Variants in RBFOX1 observed in about 807,000 individuals in gnomAD.
RBFOX1 encodes the protein RNA binding fox-1 homolog 1.
Under a neutral mutation model 57.7 loss-of-function variants are expected in RBFOX1, and 8 were observed. That is an observed-to-expected ratio of 0.14 (90% CI 0.08 to 0.25). The LOEUF (loss-of-function observed/expected upper bound fraction) is 0.25, where lower values mean the gene tolerates loss of function less well. RBFOX1 is among the 10% of genes least tolerant of loss of function. RBFOX1 has a pLI of 1.00. For missense variants in RBFOX1, 611 were observed against 548.5 expected (o/e 1.11, Z -1.14); for synonymous variants, 326 against 222.4 (o/e 1.47, Z -4.15).
intron 4 of RBFOX1, among the ~76,000 whole-genome samples, chr16:7,112,636 T>C (rs941294142): frequency 2.7e-5 from 4 of 149,848 alleles, no homozygotes; most frequent in African/African-American, 9.8e-5. Context: ...TTTAAGGTTA[T>C]CTTAAATGCA....
intron 4 of RBFOX1, among the ~76,000 whole-genome samples, chr16:7,512,225 C>T (rs1433042783): frequency 6.6e-6 from 1 of 152,184 alleles, no homozygotes; most frequent in African/African-American, 2.4e-5. Flanking sequence ...ATGAAGTTGG[C>T]TTCAGCTTCC....
chr16:6,192,515 A>G (rs1160555098), intron 1 of RBFOX1, among the ~76,000 whole-genome samples: 2 of 151,960 alleles, frequency 1.3e-5, no homozygotes, highest in Non-Finnish European at 2.9e-5. Context: ...TGCACAGCTC[A>G]CACACCGTTT....
chr16:6,648,723 G>A (rs2098553331), intron 2 of RBFOX1, among the ~76,000 whole-genome samples: 1 of 152,076 alleles, frequency 6.6e-6, no homozygotes, highest in Non-Finnish European at 1.5e-5. Flanking sequence ...GCATCACCTG[G>A]TCAGAACAGG....
intron 4 of RBFOX1, among the ~76,000 whole-genome samples, chr16:5,870,689 TC>T (rs1190608053): frequency 6.6e-6 from 1 of 152,128 alleles, no homozygotes; most frequent in East Asian, 1.9e-4. Context: ...ATATTTTTTT[TC>T]ATGACAGCAG....
intron 3 of RBFOX1, among the ~76,000 whole-genome samples, chr16:5,716,515 C>G (rs914284104): frequency 2.0e-5 from 3 of 152,246 alleles, no homozygotes; most frequent in Admixed American, 2.0e-4. Flanking sequence ...GATACCATCT[C>G]ACACCAGTCA....
rs1033513829 is a variant in RBFOX1, at chr16:5,994,547, A to G, written c.351+127212A>G. 2.6e-5 allele frequency among the ~76,000 whole-genome samples: 4 copies of G among 152,306 alleles called. No individual in the cohort carries two copies. The South Asian group carries it at 8.3e-4, about 32-fold the overall frequency. On this transcript the variant is annotated intron_variant, in intron 4 of 19. Transcript: ENST00000641259. ...TTAGCAGCAGATTTCTATACCAGGTATATTTCTACACGAGCTTGGCAAGGT... is the reference window on the plus strand; with the variant it reads ...TTAGCAGCAGATTTCTATACCAGGTGTATTTCTACACGAGCTTGGCAAGGT...
intron 4 of RBFOX1, among the ~76,000 whole-genome samples, chr16:7,103,171 A>G (rs1199959812): frequency 2.0e-5 from 3 of 152,118 alleles, no homozygotes; most frequent in Admixed American, 6.6e-5. Context: ...GAGGATTTGC[A>G]CATTTCTTTC....
intron 4 of RBFOX1, among the ~76,000 whole-genome samples, chr16:7,145,345 C>G (rs1290163911): frequency 6.6e-6 from 1 of 152,134 alleles, no homozygotes. Flanking sequence ...GCTGGGATTG[C>G]AGGCATGCAC....
intron 4 of RBFOX1, among the ~76,000 whole-genome samples, chr16:7,299,363 G>C (rs983202906): frequency 6.6e-6 from 1 of 152,100 alleles, no homozygotes; most frequent in Admixed American, 6.6e-5. Flanking sequence ...TATTGCCTGC[G>C]CTTGTATTTC....
At chr16:6,413,484 A>G (rs1439273516) in intron 2 of RBFOX1, among the ~76,000 whole-genome samples, 1 of 152,124 alleles carries the variant, frequency 6.6e-6, no homozygotes, top group Non-Finnish European at 1.5e-5. Flanking sequence ...TTTAATAGAT[A>G]ATGGTTAGGA....
At chr16:7,338,295 C>T (rs2096831123) in intron 4 of RBFOX1, among the ~76,000 whole-genome samples, 1 of 151,636 alleles carries the variant, frequency 6.6e-6, no homozygotes, top group Non-Finnish European at 1.5e-5. Flanking sequence ...GAGATTTTTC[C>T]AGCCTAAACT....
rs906152790 is a variant in RBFOX1, at chr16:5,823,337, A to C, written c.319-43966A>C. On this transcript the variant is annotated intron_variant, in intron 3 of 19. Coordinates refer to the RBFOX1 transcript ENST00000641259. Reference sequence around the variant, plus strand: ...TAACTGAATACCAGATGGCAAGTACATAAAGGAAGGGGTAGCTCCTGCCTC... The same window carrying C: ...TAACTGAATACCAGATGGCAAGTACCTAAAGGAAGGGGTAGCTCCTGCCTC... Among the ~76,000 whole-genome samples the C allele has an allele frequency of 3.3e-5, 5 of 152,224 alleles. No individual in the cohort carries two copies. In the South Asian group the frequency reaches 1.0e-3, roughly 32 times the overall value.
At chr16:7,632,581 G>A (rs965536166) in intron 11 of RBFOX1, among the ~76,000 whole-genome samples, 19 of 152,156 alleles carry the variant, frequency 1.2e-4, no homozygotes, top group Admixed American at 6.5e-5. Context: ...GAGTCCATTT[G>A]ACTAAATCTG....
chr16:7,213,825 C>G (rs887931840), intron 4 of RBFOX1, among the ~76,000 whole-genome samples: 1 of 152,122 alleles, frequency 6.6e-6, no homozygotes, highest in African/African-American at 2.4e-5. Flanking sequence ...ATAGACTTCT[C>G]TGATGGATGA....
chr16:5,522,116 A>G (rs977065710), intron 2 of RBFOX1, among the ~76,000 whole-genome samples: 7 of 152,186 alleles, frequency 4.6e-5, no homozygotes, highest in African/African-American at 1.7e-4. Context: ...GAGTAAGCTC[A>G]TGCTCCTTCA....
intron 3 of RBFOX1, among the ~76,000 whole-genome samples, chr16:6,685,677 T>A (rs929849190): frequency 1.3e-5 from 2 of 152,050 alleles, no homozygotes; most frequent in Non-Finnish European, 2.9e-5. Context: ...GTAGAACATT[T>A]AAAAATATAA....
chr16:7,602,580 C>T (rs148781150), intron 9 of RBFOX1, among the ~76,000 whole-genome samples: 12 of 152,268 alleles, frequency 7.9e-5, no homozygotes, highest in Non-Finnish European at 2.9e-5. Flanking sequence ...TTATCTCCAG[C>T]AGGGTTATCC....
At chr16:7,190,535 T>G (rs940012773) in intron 4 of RBFOX1, among the ~76,000 whole-genome samples, 10 of 152,122 alleles carry the variant, frequency 6.6e-5, no homozygotes, top group Admixed American at 5.2e-4. Context: ...CTCTATCTGA[T>G]GAGCTGGAGA....
At chr16:6,616,262 T>A (rs1374982653) in intron 2 of RBFOX1, among the ~76,000 whole-genome samples, 1 of 152,252 alleles carries the variant, frequency 6.6e-6, no homozygotes, top group Admixed American at 6.5e-5. Context: ...TTAAAAATTA[T>A]ATTAACTTAT....
Sources: gnomAD v4.1 joint callset for allele counts (sites outside exome capture counted in the v4.1 genomes callset) on GRCh38, gnomAD v4.1.1 for gene constraint, MANE v1.5 for transcripts, NCBI Gene and HGNC (gene_info 2026-07-23, HGNC 2026-07-21) for gene names.